Variants in CDS1 observed in about 807,000 individuals in gnomAD.
The protein encoded by CDS1 is CDP-diacylglycerol synthase 1, also known as phosphatidate cytidylyltransferase 1.
In CDS1, 41 loss-of-function variants were observed where a neutral mutation model predicts 62.1. That is an observed-to-expected ratio of 0.66 (90% CI 0.51 to 0.86). The LOEUF is 0.86. Among genes scored for constraint, CDS1 ranks in the 40% least tolerant of loss-of-function variants. The probability of loss-of-function intolerance (pLI) is 0.00; values close to 1 mark genes in which losing one functional copy is unlikely to be tolerated. For missense variants in CDS1, 470 were observed against 550.1 expected (o/e 0.85, Z 1.46); for synonymous variants, 185 against 192.6 (o/e 0.96, Z 0.32).
intron 1 of CDS1, among the ~76,000 whole-genome samples, chr4:84,590,163 A>G (rs766815401): frequency 1.3e-5 from 2 of 152,180 alleles, no homozygotes; most frequent in African/African-American, 4.8e-5. Context: ...AAGGGTCACA[A>G]TATAACAATT....
intron 1 of CDS1, among the ~76,000 whole-genome samples, chr4:84,590,157 G>T (rs1221643080): frequency 3.3e-5 from 5 of 152,184 alleles, no homozygotes; most frequent in Non-Finnish European, 7.3e-5. Context: ...TTGGGTAAGG[G>T]TCACAATATA....
intron 3 of CDS1, among the ~76,000 whole-genome samples, chr4:84,611,354 A>G (rs1723313648): frequency 6.6e-6 from 1 of 152,026 alleles, no homozygotes; most frequent in African/African-American, 2.4e-5. Context: ...TTTTCAGTTA[A>G]TCCAGGTTCT....
At chr4:84,633,153 A>G (rs1318660766) in intron 6 of CDS1, among the ~76,000 whole-genome samples, 1 of 152,202 alleles carries the variant, frequency 6.6e-6, no homozygotes, top group African/African-American at 2.4e-5. Flanking sequence ...GAATAAATCA[A>G]AATCTTAAGA....
intron 1 of CDS1, among the ~76,000 whole-genome samples, chr4:84,586,656 G>A (rs532908437): frequency 5.3e-5 from 8 of 152,314 alleles, no homozygotes; most frequent in Admixed American, 3.3e-4. Flanking sequence ...CTAACAGGCC[G>A]GTACTGGTCT....
chr4:84,640,417 A>C (rs758881451), intron 9 of CDS1, among the ~76,000 whole-genome samples: 23 of 151,990 alleles, frequency 1.5e-4, no homozygotes, highest in Admixed American at 2.6e-4. Flanking sequence ...GGGAAAGAAT[A>C]ATTTAGTCAA....
At position 84,638,958 on chromosome 4, in the gene CDS1, G is replaced by A; in HGVS notation, c.845G>A (p.Gly282Asp). The A allele has an allele frequency of 1.3e-6, 2 of 1,570,304 alleles. No individual in the cohort carries two copies. Among genetic ancestry groups the A allele is most frequent in the Non-Finnish European group, 1.7e-6 (2 of 1,158,770 alleles). ...AAAAAGACTTGGGAAGGATTCATTG[G>A]TGGTTTCTTTTCCACAGTTGTGTTT... ...SPKKTWEGFI[G>D]GFFSTVVFGF... The change falls in exon 9 of 13, where the codon GGT becomes GAT. Residue 282 changes from glycine (G) to aspartate (D), a missense_variant. Around this residue, in one of 5 missense-constraint regions of CDS1, gnomAD observed 214 missense variants for 242.4 expected, o/e 0.88. Coordinates refer to ENST00000295887, the MANE Select transcript of CDS1 (RefSeq NM_001263.4).
intron 2 of CDS1, among the ~76,000 whole-genome samples, chr4:84,607,117 TGACTACCTTA>T (rs1396277019): frequency 6.6e-6 from 1 of 152,190 alleles, no homozygotes; most frequent in East Asian, 1.9e-4. Context: ...GAATGCAATT[TGACTACCTTA>T]TGAAGAAACT....
chr4:84,624,286 A>C (rs1247586612), intron 5 of CDS1, among the ~76,000 whole-genome samples: 30 of 144,636 alleles, frequency 2.1e-4, no homozygotes, highest in Non-Finnish European at 3.9e-4. Context: ...AAAAAAAAAA[A>C]CAAACAAAAA....
intron 12 of CDS1, among the ~76,000 whole-genome samples, chr4:84,646,777 G>C (rs147890198): frequency 6.6e-6 from 1 of 152,150 alleles, no homozygotes; most frequent in Non-Finnish European, 1.5e-5. Context: ...TCAGTTAGGT[G>C]AGGTTTAATT....
Position 84,583,180 on chromosome 4 carries a change from C to T in CDS1, c.-222C>T, listed in dbSNP as rs539709878. ...AGCCTGCCCGGGACCTCCGCCGGAG[C>T]CGCGCTCGCTGCAGGCGGCCTCGAG... On this transcript the variant is annotated 5_prime_UTR_variant, in exon 1 of 13. Transcript: ENST00000295887. The T allele has an allele frequency of 1.4e-4, 63 of 447,240 alleles. No individual in the cohort carries two copies. The South Asian group carries it at 2.2e-3, about 15-fold the overall frequency. 27.7% of individuals were successfully genotyped at this position (447,240 alleles called of 1,614,324 possible).
intron 1 of CDS1, among the ~76,000 whole-genome samples, chr4:84,586,231 T>C (rs937262350): frequency 2.0e-5 from 3 of 152,164 alleles, no homozygotes; most frequent in Admixed American, 6.6e-5. Flanking sequence ...CACGGATGGG[T>C]TGGGGGGATG....
chr4:84,617,430 T>C (rs1723531620), intron 3 of CDS1, 134 bp from the exon 4 acceptor site: 1 of 589,808 alleles, frequency 1.7e-6, no homozygotes, highest in African/African-American at 1.9e-5. Flanking sequence ...ATTGCATTTT[T>C]TACTGACATT....
At chr4:84,604,981 T>C (rs1578025553) in intron 2 of CDS1, among the ~76,000 whole-genome samples, 1 of 152,190 alleles carries the variant, frequency 6.6e-6, no homozygotes, top group East Asian at 1.9e-4. Context: ...TCCATTACCA[T>C]TTTATATTTG....
intron 1 of CDS1, among the ~76,000 whole-genome samples, chr4:84,589,900 T>C (rs1722535435): frequency 6.6e-6 from 1 of 152,118 alleles, no homozygotes; most frequent in South Asian, 2.1e-4. Flanking sequence ...AAGCTCTGCC[T>C]CCCGGGTTCA....
At chr4:84,610,685 A>G (rs1160269427) in intron 3 of CDS1, among the ~76,000 whole-genome samples, 1 of 152,222 alleles carries the variant, frequency 6.6e-6, no homozygotes, top group Non-Finnish European at 1.5e-5. Flanking sequence ...ATAGACAACT[A>G]TACGACAGAG....
chr4:84,598,126 CAAAAAAA>C (rs879924741), intron 1 of CDS1, among the ~76,000 whole-genome samples: 137 of 83,006 alleles, frequency 1.7e-3, no homozygotes, highest in African/African-American at 5.0e-3. Context: ...ACTCCATCTC[CAAAAAAA>C]AAAAAAAAGA....
At chr4:84,583,985 C>A (rs2110027686) in intron 1 of CDS1, among the ~76,000 whole-genome samples, 1 of 152,220 alleles carries the variant, frequency 6.6e-6, no homozygotes, top group African/African-American at 2.4e-5. Context: ...TGGCTTCTCG[C>A]GCTGCCCCAT....
chr4:84,607,101 T>C (rs1723118026), intron 2 of CDS1, among the ~76,000 whole-genome samples: 1 of 152,168 alleles, frequency 6.6e-6, no homozygotes, highest in Non-Finnish European at 1.5e-5. Flanking sequence ...GGAAATAAAG[T>C]TGAATGAATG....
chr4:84,602,238 T>G (rs983051590), intron 1 of CDS1, among the ~76,000 whole-genome samples: 15 of 152,188 alleles, frequency 9.9e-5, no homozygotes, highest in African/African-American at 3.6e-4. Context: ...CCTGGTGCAA[T>G]TTAAGTTTTT....
Sources: allele counts gnomAD v4.1 joint callset (sites outside exome capture counted in the v4.1 genomes callset), GRCh38; gene constraint gnomAD v4.1.1; regional missense constraint gnomAD v4.1.1; transcripts MANE v1.5; gene names NCBI Gene and HGNC (gene_info 2026-07-23, HGNC 2026-07-21).